The following PLAC1 variants were observed in gnomAD, a reference collection of about 807,000 sequenced individuals.
PLAC1 encodes the protein placenta-specific protein 1.
For missense variants in PLAC1, 136 were observed against 163.2 expected, an observed-to-expected ratio of 0.83 and a Z score of 0.91; for synonymous variants, 68 against 62.1, an observed-to-expected ratio of 1.09 and a Z score of -0.44.
intron 1 of PLAC1, among the ~76,000 whole-genome samples, chrX:134,647,567 A>T (rs1420225025): frequency 3.7e-5 from 4 of 108,068 alleles, no homozygotes; most frequent in African/African-American, 1.4e-4. Flanking sequence ...ATGAGAGTAA[A>T]CACCTGCTGG....
chrX:134,600,966 G>C (rs1349403281), intron 2 of PLAC1: 1 of 110,693 alleles, frequency 9.0e-6, no homozygotes, highest in Non-Finnish European at 1.9e-5. Flanking sequence ...TCACATCTCA[G>C]CCTGCTGAGT....
chrX:134,707,158 G>A, intron 2 of PLAC1, among the ~76,000 whole-genome samples: 1 of 111,801 alleles, frequency 8.9e-6, no homozygotes, highest in Non-Finnish European at 1.9e-5. Flanking sequence ...GAGGTTACAA[G>A]GAAATGACAT....
chrX:134,705,059 A>G (rs965796160), intron 2 of PLAC1, among the ~76,000 whole-genome samples: 1 of 101,842 alleles, frequency 9.8e-6, no homozygotes, highest in Non-Finnish European at 1.9e-5. Context: ...ATATAAATAT[A>G]TAATATATAT....
chrX:134,619,149 AATTATAGTTCCACC>A (rs1371123705), intron 1 of PLAC1, among the ~76,000 whole-genome samples: 1 of 111,946 alleles, frequency 8.9e-6, no homozygotes, highest in Non-Finnish European at 1.9e-5. Context: ...TCACAAACAC[AATTATAGTTCCACC>A]ATTTTTTTCA....
At position 134,591,131 on chromosome X, in the gene PLAC1, G is replaced by A. The variant is rs750396817; in HGVS notation, c.-59+10920C>T. ...CAACCATCACCCTTTCCCCTCATTCGAGCACAGCTCAGGTAGGTCTCTATC... is the reference window on the plus strand; with the variant it reads ...CAACCATCACCCTTTCCCCTCATTCAAGCACAGCTCAGGTAGGTCTCTATC... On this transcript the variant is annotated intron_variant, in intron 2 of 2. Transcript: ENST00000359237. Among the ~76,000 whole-genome samples the A allele has an allele frequency of 1.4e-3, 161 of 111,613 alleles. 1 individual carries two copies. Among genetic ancestry groups the A allele is most frequent in the African/African-American group, 5.0e-3 (152 of 30,677 alleles).
At chrX:134,724,203 T>C (rs2078667043) in intron 2 of PLAC1, among the ~76,000 whole-genome samples, 1 of 112,357 alleles carries the variant, frequency 8.9e-6, no homozygotes, top group Non-Finnish European at 1.9e-5. Context: ...AAAATGTGAA[T>C]AAACTATGGT....
chrX:134,762,178 T>C (rs1185668120), intron 1 of PLAC1, among the ~76,000 whole-genome samples: 2 of 102,771 alleles, frequency 1.9e-5, no homozygotes, highest in Non-Finnish European at 3.9e-5. Context: ...ACATAGAACA[T>C]TCCAGAACTG....
chrX:134,723,308 CTTT>C (rs150713448), intron 2 of PLAC1, among the ~76,000 whole-genome samples: 6 of 96,314 alleles, frequency 6.2e-5, no homozygotes, highest in Admixed American at 1.2e-4. Context: ...AATTGTATTA[CTTT>C]TTTTTTTTTT....
intron 1 of PLAC1, among the ~76,000 whole-genome samples, chrX:134,619,652 A>G (rs1232548947): frequency 3.8e-5 from 4 of 106,053 alleles, no homozygotes; most frequent in Non-Finnish European, 7.8e-5. Context: ...CTCCATCTCA[A>G]AAAAAAAAAA....
intron 2 of PLAC1, among the ~76,000 whole-genome samples, chrX:134,723,752 A>G (rs1409560474): frequency 8.9e-6 from 1 of 112,110 alleles, no homozygotes; most frequent in African/African-American, 3.2e-5. Flanking sequence ...TGACTTTGCT[A>G]TTTAGATTCC....
chrX:134,655,413 CA>C (rs1207096000), intron 1 of PLAC1, among the ~76,000 whole-genome samples: 1 of 110,707 alleles, frequency 9.0e-6, no homozygotes, highest in African/African-American at 3.3e-5. Context: ...CTAAATTCTT[CA>C]GAATGACTCT....
chrX:134,656,433 T>C (rs112176143), intron 1 of PLAC1, among the ~76,000 whole-genome samples: 2,757 of 111,581 alleles, frequency 0.025, 31 homozygotes, highest in Middle Eastern at 0.041. Flanking sequence ...CCTCATCCTT[T>C]CTTTAAGTCT....
intron 2 of PLAC1, among the ~76,000 whole-genome samples, chrX:134,678,605 T>C (rs765281797): frequency 1.8e-5 from 2 of 112,012 alleles, no homozygotes; most frequent in East Asian, 5.6e-4. Flanking sequence ...ATCCATTTAT[T>C]GTCTATCTAT....
In PLAC1 at chrX:134,621,401, G is replaced by T. The variant is rs183727196; in HGVS notation, c.-130-19279C>A. Among the ~76,000 whole-genome samples the T allele has an allele frequency of 7.0e-3, 650 of 92,663 alleles. 7 individuals are homozygous for T. Among genetic ancestry groups the T allele is most frequent in the African/African-American group, 0.026 (620 of 24,000 alleles). The allele number at this position is 92,663 out of a possible 115,157, so 80.5% of individuals were successfully genotyped here. A position where few individuals can be genotyped will look rare whatever the true frequency, so the allele number is the denominator to read the frequency against. On this transcript the variant is annotated intron_variant, in intron 1 of 2. Coordinates refer to ENST00000359237, the MANE Select transcript of PLAC1 (RefSeq NM_021796.4). ...GTGGAGGTTGCCGCGAGCCGAGATC[G>T]TGCCACTGCACTCCAGCCCGGGCAA...
At chrX:134,578,180 C>T (rs981861372) in intron 2 of PLAC1, among the ~76,000 whole-genome samples, 10 of 110,913 alleles carry the variant, frequency 9.0e-5, no homozygotes, top group Non-Finnish European at 9.4e-5. Flanking sequence ...TTGGGAGGCC[C>T]AGGTGGGCGG....
intron 1 of PLAC1, among the ~76,000 whole-genome samples, chrX:134,747,139 T>C (rs977547274): frequency 8.9e-6 from 1 of 112,037 alleles, no homozygotes; most frequent in African/African-American, 3.2e-5. Flanking sequence ...GGCCTTCTCA[T>C]TCAGGACAAT....
chrX:134,719,561 G>A lies in PLAC1; in HGVS notation n.174+13874C>T, dbSNP rs922581094. Among the ~76,000 whole-genome samples the A allele has an allele frequency of 3.6e-5, 4 of 111,587 alleles. No individual in the cohort carries two copies. The South Asian group carries it at 1.1e-3, about 31-fold the overall frequency. On this transcript the variant is annotated intron_variant and non_coding_transcript_variant, in intron 2 of 2. Coordinates refer to the PLAC1 transcript ENST00000466797. ...TCCCAGCACTTTGGGAGGCCGAGGC[G>A]GGTGGATCACTTGAGGTCAGGAGTT...
intron 2 of PLAC1, among the ~76,000 whole-genome samples, chrX:134,695,966 G>A (rs773439466): frequency 9.2e-6 from 1 of 108,938 alleles, no homozygotes; most frequent in South Asian, 4.0e-4. Flanking sequence ...TCTCCATCTA[G>A]GATTGCCAGA....
In PLAC1 at chrX:134,617,494, G is replaced by A. The variant is rs770987981; in HGVS notation, c.-130-15372C>T. Among the ~76,000 whole-genome samples, 12 of 111,953 alleles carry A rather than the reference G, an allele frequency of 1.1e-4. No individual in the cohort carries two copies. The East Asian group carries it at 3.1e-3, about 29-fold the overall frequency. On this transcript the variant is annotated intron_variant, in intron 1 of 2. Coordinates refer to ENST00000359237, the MANE Select transcript of PLAC1 (RefSeq NM_021796.4). ...CACAAATGGTCTTTACTGTGTTGAG[G>A]TAAGTTCCTTCTATACTTAATTTGT...
Sources: gnomAD v4.1 joint callset for allele counts (sites outside exome capture counted in the v4.1 genomes callset) on GRCh38, gnomAD v4.1.1 for gene constraint, MANE v1.5 for transcripts, NCBI Gene and HGNC (gene_info 2026-07-23, HGNC 2026-07-21) for gene names.